COX10: variants seen among roughly 807,000 people sequenced by gnomAD.
COX10 encodes the protein protoheme IX farnesyltransferase, mitochondrial.
A neutral mutation model predicts 37.3 loss-of-function variants in COX10; 27 were observed. That is an observed-to-expected ratio of 0.72 (90% CI 0.53 to 1.00). The LOEUF is 1.00. Ranked by LOEUF, COX10 falls within the 50% of genes least tolerant of loss-of-function variation. COX10 has a pLI of 0.00. For missense variants in COX10, 475 were observed against 563.2 expected, an observed-to-expected ratio of 0.84 and a Z score of 1.59; for synonymous variants, 222 against 229.1, an observed-to-expected ratio of 0.97 and a Z score of 0.28.
At chr17:14,114,473 AGT>A (rs1567594343) in intron 4 of COX10, among the ~76,000 whole-genome samples, 1 of 152,118 alleles carries the variant, frequency 6.6e-6, no homozygotes, top group Non-Finnish European at 1.5e-5. Context: ...TCTAAATGTC[AGT>A]ATAGGTTAGT....
At chr17:14,197,581 G>C (rs1347391665) in intron 6 of COX10, among the ~76,000 whole-genome samples, 1 of 152,252 alleles carries the variant, frequency 6.6e-6, no homozygotes, top group Non-Finnish European at 1.5e-5. Context: ...AGTGAGGTAG[G>C]ATGGCAGGGT....
chr17:14,168,995 G>C (rs945292355), intron 5 of COX10, among the ~76,000 whole-genome samples: 2 of 152,214 alleles, frequency 1.3e-5, no homozygotes, highest in Non-Finnish European at 2.9e-5. Flanking sequence ...CACATGGTAA[G>C]GCTGTAGATT....
At chr17:14,117,458 A>G (rs1597507279) in intron 4 of COX10, among the ~76,000 whole-genome samples, 1 of 152,216 alleles carries the variant, frequency 6.6e-6, no homozygotes, top group Admixed American at 6.5e-5. Context: ...GTGCCACATT[A>G]TGCTGTATTT....
intron 6 of COX10, among the ~76,000 whole-genome samples, chr17:14,200,970 A>G (rs1906526240): frequency 6.6e-6 from 1 of 152,182 alleles, no homozygotes; most frequent in Non-Finnish European, 1.5e-5. Context: ...AACATTCACC[A>G]TGGGCTGTAA....
At chr17:14,155,527 A>G (rs1212854836) in intron 4 of COX10, among the ~76,000 whole-genome samples, 4 of 151,950 alleles carry the variant, frequency 2.6e-5, no homozygotes, top group Non-Finnish European at 5.9e-5. Flanking sequence ...CATCCTGGCT[A>G]ACACGGTGAA....
intron 4 of COX10, among the ~76,000 whole-genome samples, chr17:14,153,351 A>G (rs769896110): frequency 2.0e-5 from 3 of 152,216 alleles, no homozygotes; most frequent in Admixed American, 6.5e-5. Flanking sequence ...GATATTGCAT[A>G]ACTTAAATAC....
intron 3 of COX10, chr17:14,077,313 A>G (rs563230737): frequency 1.3e-5 from 6 of 456,310 alleles, no homozygotes; most frequent in African/African-American, 9.9e-5. Context: ...TTGAATGTTT[A>G]TCCTGCTTAT....
chr17:14,154,659 C>T (rs979335705), intron 4 of COX10, among the ~76,000 whole-genome samples: 2 of 152,164 alleles, frequency 1.3e-5, no homozygotes, highest in South Asian at 2.1e-4. Context: ...GTCTAATCAA[C>T]GGATGCAGAC....
intron 5 of COX10, among the ~76,000 whole-genome samples, chr17:14,169,770 A>C (rs2530373): frequency 0.99 from 151,507 of 152,296 alleles, 75,370 homozygotes; most frequent in Middle Eastern, 1. Context: ...AAGGGTGAAC[A>C]CTTTGGTTTG....
At chr17:14,161,944 T>A (rs1905178277) in intron 5 of COX10, among the ~76,000 whole-genome samples, 1 of 152,220 alleles carries the variant, frequency 6.6e-6, no homozygotes, top group Non-Finnish European at 1.5e-5. Flanking sequence ...ATTGGTTCTG[T>A]ATCCCTGTAG....
intron 6 of COX10, among the ~76,000 whole-genome samples, chr17:14,201,652 C>T (rs1906544610): frequency 6.6e-6 from 1 of 152,234 alleles, no homozygotes; most frequent in South Asian, 2.1e-4. Flanking sequence ...GTTGCTCTTT[C>T]TGAGCCATTT....
Position 14,070,647 on chromosome 17 carries a change from G to A in COX10, c.43+999G>A, listed in dbSNP as rs1260186654. 3.3e-5 allele frequency among the ~76,000 whole-genome samples: 5 copies of A among 152,218 alleles called. No individual in the cohort carries two copies. The East Asian group carries it at 7.7e-4, about 23-fold the overall frequency. The stretch of plus-strand genomic sequence containing the variant: ...TAAGAGAAGCCAGGGACTGCCTTTT[G>A]ATCACATCCCAGAAACTTTTTTCAC... On this transcript the variant is annotated intron_variant, in intron 1 of 6. Transcript: ENST00000261643.
intron 1 of COX10, among the ~76,000 whole-genome samples, chr17:14,073,230 T>G (rs974695526): frequency 1.3e-5 from 2 of 152,176 alleles, no homozygotes; most frequent in African/African-American, 4.8e-5. Context: ...GTTACCATAG[T>G]CCAAATGTAA....
intron 3 of COX10, among the ~76,000 whole-genome samples, chr17:14,080,649 T>A (rs1270875375): frequency 6.6e-6 from 1 of 152,244 alleles, no homozygotes; most frequent in South Asian, 2.1e-4. Flanking sequence ...TAGCATCTTT[T>A]TTCTATTTTG....
At chr17:14,147,796 AT>A (rs969140782) in intron 4 of COX10, among the ~76,000 whole-genome samples, 10 of 121,414 alleles carry the variant, frequency 8.2e-5, no homozygotes, top group African/African-American at 2.6e-4. Context: ...TTTAAAAAAA[AT>A]TTTTAAGAAA....
rs369177496 is a variant in COX10, at chr17:14,070,709, G to T, written c.43+1061G>T. Among the ~76,000 whole-genome samples the T allele has an allele frequency of 3.6e-4, 55 of 152,298 alleles. 2 individuals carry two copies. The South Asian group carries it at 0.011, about 32-fold the overall frequency. On this transcript the variant is annotated intron_variant, in intron 1 of 6. Transcript: ENST00000261643. ...CACACACAAGCTCTCTGCACCATCT[G>T]GTGATGTTGACACTGTGACTCCATG...
In COX10 at chr17:14,206,882, G is replaced by A. The variant is rs771689499; in HGVS notation, c.1001G>A (p.Arg334His). The A allele has an allele frequency of 9.3e-6, 15 of 1,613,894 alleles. No homozygotes were observed. The highest frequency in any genetic ancestry group is 4.4e-5 in the South Asian group (4 of 91,088). The stretch of plus-strand genomic sequence containing the variant: ...TTCAACGCCCTGAGCTGGGGCCTCC[G>A]TGAAGACTACTCCCGGGGCGGCTAC... Reference protein sequence around the residue: ...PHFNALSWGLREDYSRGGYCM... With the variant: ...PHFNALSWGLHEDYSRGGYCM... The change falls in exon 7 of 7, where the codon CGT (arginine) becomes CAT (histidine). Residue 334 changes from arginine to histidine, a missense_variant. Transcript: ENST00000261643.
intron 5 of COX10, among the ~76,000 whole-genome samples, chr17:14,176,911 T>C (rs1011905239): frequency 2.0e-5 from 3 of 152,154 alleles, no homozygotes; most frequent in African/African-American, 7.2e-5. Context: ...GTTTTTGAAA[T>C]AGTTACAGTA....
chr17:14,171,336 A>T (rs1371532617), intron 5 of COX10, among the ~76,000 whole-genome samples: 6 of 152,254 alleles, frequency 3.9e-5, no homozygotes. Context: ...AGTGTTGTCA[A>T]AGGTACATTT....
Sources: allele counts gnomAD v4.1 joint callset (sites outside exome capture counted in the v4.1 genomes callset), GRCh38; gene constraint gnomAD v4.1.1; transcripts MANE v1.5; gene names NCBI Gene and HGNC (gene_info 2026-07-23, HGNC 2026-07-21).